Variants in CAVIN1 observed in about 807,000 individuals in gnomAD.
CAVIN1 encodes caveolae-associated protein 1.
Under a neutral mutation model 24.0 loss-of-function variants are expected in CAVIN1, and 16 were observed. The observed-to-expected ratio is 0.67, with a 90% CI of 0.45 to 1.01. CAVIN1 has a LOEUF of 1.01. CAVIN1 is among the 50% of genes least tolerant of loss of function. CAVIN1 has a pLI of 0.00. For missense variants in CAVIN1, 510 were observed against 551.7 expected (o/e 0.92, Z 0.76); for synonymous variants, 256 against 256.4 (o/e 1.00, Z 0.02).
rs1287360868 is a variant in CAVIN1, at chr17:42,423,117, G to C, written c.-20C>G. On this transcript the variant is annotated 5_prime_UTR_variant, in exon 1 of 2. Transcript: ENST00000357037. ...CTCCATGGCTACCCGGAGCCGTGCG[G>C]GACCGGCCGGGTGGGGCTGGAGCTG... 6.6e-7 allele frequency: 1 copy of C among 1,520,332 alleles called. No individual in the cohort carries two copies. The highest frequency in any genetic ancestry group is 2.1e-5 in the Admixed American group (1 of 48,186). The allele number at this position is 1,520,332 out of a possible 1,614,324, so 94.2% of individuals were successfully genotyped here.
intron 1 of CAVIN1, among the ~76,000 whole-genome samples, chr17:42,406,420 G>A (rs926076379): frequency 4.6e-4 from 70 of 150,740 alleles, no homozygotes; most frequent in Non-Finnish European, 1.0e-4. Context: ...TGTCGCCCAG[G>A]CTGCAGTGCA....
At position 42,406,377 on chromosome 17, in the gene CAVIN1, T is replaced by A. The variant is rs147703971; in HGVS notation, c.472-989A>T. On this transcript the variant is annotated intron_variant, in intron 1 of 1. Transcript: ENST00000357037. The stretch of plus-strand genomic sequence containing the variant: ...CATTTCCTAGACTCAAGCTATTTCT[T>A]TTTTTTTTTTTTTTTGAGATGGAGT... 2.5e-3 allele frequency among the ~76,000 whole-genome samples: 367 copies of A among 148,746 alleles called. 3 individuals are homozygous for A. The highest frequency in any genetic ancestry group is 3.5e-3 in the Middle Eastern group (1 of 284).
Position 42,422,751 on chromosome 17 carries a change from T to C in CAVIN1, c.347A>G (p.Lys116Arg). ...TVSKLLEKVR[K>R]VSVNVKTVRG... ...CACGGTCTTCACGTTGACGCTGACC[T>C]TGCGCACCTTCTCCAGCAGCTTGCT... is the stretch of plus-strand genomic sequence containing the variant. Residue 116 changes from lysine to arginine, a missense_variant, in exon 1 of 2, where the codon AAG (lysine) becomes AGG (arginine). Transcript: ENST00000357037. 6.2e-7 allele frequency: 1 copy of C among 1,612,520 alleles called. No homozygotes were observed. Among genetic ancestry groups the C allele is most frequent in the South Asian group, 1.1e-5 (1 of 90,762 alleles).
chr17:42,413,844 A>C (rs2085496233), intron 1 of CAVIN1, among the ~76,000 whole-genome samples: 1 of 152,058 alleles, frequency 6.6e-6, no homozygotes, highest in Non-Finnish European at 1.5e-5. Context: ...AGTAAATACA[A>C]AGGCACACAA....
rs1159031590 is a variant in CAVIN1 at position 42,404,361 on chromosome 17, C to T, written c.*326G>A. 1 of 227,082 alleles carries T rather than the reference C, an allele frequency of 4.4e-6. No homozygotes were observed. Among genetic ancestry groups the T allele is most frequent in the Non-Finnish European group, 8.5e-6 (1 of 117,098 alleles). 14.1% of individuals were successfully genotyped at this position (227,082 alleles called of 1,614,324 possible). On this transcript the variant is annotated 3_prime_UTR_variant, in exon 2 of 2. Coordinates refer to ENST00000357037, the MANE Select transcript of CAVIN1 (RefSeq NM_012232.6). ...GCTGGGTGGGTGGTGTGGGGAGAGG[C>T]TGAGGGGAAGGCAGCCCCCCCAGGG...
At chr17:42,412,136 G>A (rs1366256876) in intron 1 of CAVIN1, 2 of 985,246 alleles carry the variant, frequency 2.0e-6, no homozygotes, top group South Asian at 4.7e-5. Context: ...TGGTCAAAAG[G>A]TGGGAGCTCA....
chr17:42,406,932 G>A (rs1282022483), intron 1 of CAVIN1, among the ~76,000 whole-genome samples: 3 of 152,228 alleles, frequency 2.0e-5, no homozygotes, highest in Non-Finnish European at 4.4e-5. Flanking sequence ...TTCAATTCTT[G>A]CTTTCCCTAC....
intron 1 of CAVIN1, among the ~76,000 whole-genome samples, chr17:42,421,558 G>T (rs544667647): frequency 1.3e-4 from 20 of 152,150 alleles, no homozygotes; most frequent in Non-Finnish European, 2.4e-4. Flanking sequence ...AACACTTGCC[G>T]CCCAGCCCAA....
chr17:42,405,584 T>C (rs2085439545), intron 1 of CAVIN1, among the ~76,000 whole-genome samples, 196 bp from the exon 2 acceptor site: 1 of 151,612 alleles, frequency 6.6e-6, no homozygotes, highest in Non-Finnish European at 1.5e-5. Context: ...GGCAGGAGGA[T>C]GGCTTGAGTC....
intron 1 of CAVIN1, among the ~76,000 whole-genome samples, chr17:42,413,599 A>AAAAAAAAT (rs2085494598): frequency 7.4e-6 from 1 of 135,828 alleles, no homozygotes; most frequent in Non-Finnish European, 1.6e-5. Flanking sequence ...AAAAAAAAAA[A>AAAAAAAAT]GAGGTCCCTG....
chr17:42,405,497 G>C, intron 1 of CAVIN1, 109 bp from the exon 2 acceptor site: 2 of 1,174,098 alleles, frequency 1.7e-6, no homozygotes, highest in Non-Finnish European at 2.5e-6. Flanking sequence ...GGACGCTCGT[G>C]GTCCCCAGGA....
Position 42,423,147 on chromosome 17 carries a change from G to C in CAVIN1, c.-50C>G, listed in dbSNP as rs548579969. The C allele has an allele frequency of 1.4e-6, 2 of 1,394,552 alleles. No individual in the cohort carries two copies. Among genetic ancestry groups the C allele is most frequent in the Non-Finnish European group, 1.9e-6 (2 of 1,033,988 alleles). The allele number at this position is 1,394,552 out of a possible 1,614,324, so 86.4% of individuals were successfully genotyped here. A position where few individuals can be genotyped will look rare whatever the true frequency, so the allele number is the denominator to read the frequency against. On this transcript the variant is annotated 5_prime_UTR_variant, in exon 1 of 2. Transcript: ENST00000357037. ...GGCCGGGTGGGGCTGGAGCTGGAGC[G>C]GGAGACCCGGAGAGAAGCAGGAGCG...
chr17:42,402,478 G>C lies in CAVIN1; in HGVS notation c.*2209C>G, dbSNP rs1781209231. 1 of 151,964 alleles carries C rather than the reference G, an allele frequency of 6.6e-6. No homozygotes were observed. Among genetic ancestry groups the C allele is most frequent in the Non-Finnish European group, 1.5e-5 (1 of 68,058 alleles). The allele number at this position is 151,964 out of a possible 1,614,324, so 9.4% of individuals were successfully genotyped here. ...TTTAGAAAAGCAGGTTTATTGGTCG[G>C]GCTGCTCACCAGGACACAGCAACGT... On this transcript the variant is annotated 3_prime_UTR_variant, in exon 2 of 2. Coordinates refer to ENST00000357037, the MANE Select transcript of CAVIN1 (RefSeq NM_012232.6).
chr17:42,417,202 T>A (rs2085517217), intron 1 of CAVIN1, among the ~76,000 whole-genome samples: 1 of 152,090 alleles, frequency 6.6e-6, no homozygotes, highest in Non-Finnish European at 1.5e-5. Context: ...GCCTGTAATC[T>A]TAGCACTTTG....
At position 42,422,802 on chromosome 17, in the gene CAVIN1, G is replaced by C. The variant is rs1477911550; in HGVS notation, c.296C>G (p.Ala99Gly). 1 of 1,613,740 alleles carries C rather than the reference G, an allele frequency of 6.2e-7. No homozygotes were observed. Among genetic ancestry groups the C allele is most frequent in the Non-Finnish European group, 8.5e-7 (1 of 1,179,900 alleles). The change falls in exon 1 of 2, where the codon GCG becomes GGG. Residue 99 changes from alanine (A) to glycine (G), a missense_variant. Physicochemically the swap from Ala to Gly is moderately conservative, Grantham distance 60. Transcript: ENST00000357037. ...IQGELSKLGK[A>G]HATTSNTVSK... ...CACCGTATTGCTCGTGGTGGCGTGCGCCTTGCCCAGCTTGCTCAGCTCGCC... is the reference window on the plus strand; with the variant it reads ...CACCGTATTGCTCGTGGTGGCGTGCCCCTTGCCCAGCTTGCTCAGCTCGCC...
At chr17:42,413,901 T>G (rs969807401) in intron 1 of CAVIN1, among the ~76,000 whole-genome samples, 10 of 152,016 alleles carry the variant, frequency 6.6e-5, no homozygotes, top group African/African-American at 1.2e-4. Flanking sequence ...GTTTTGTGGT[T>G]GTTGTTTTTT....
intron 1 of CAVIN1, among the ~76,000 whole-genome samples, chr17:42,413,931 T>A (rs2085496826): frequency 1.3e-5 from 2 of 152,184 alleles, no homozygotes; most frequent in Non-Finnish European, 2.9e-5. Context: ...AGTCTTGCTC[T>A]GTCACCCAGG....
At chr17:42,406,264 A>G (rs1195952612) in intron 1 of CAVIN1, among the ~76,000 whole-genome samples, 1 of 152,154 alleles carries the variant, frequency 6.6e-6, no homozygotes, top group East Asian at 1.9e-4. Flanking sequence ...CCGAAAAGCA[A>G]GTGGTGGGAG....
Position 42,423,110 on chromosome 17 carries a change from C to T in CAVIN1, c.-13G>A, listed in dbSNP as rs779164537. 1.1e-5 allele frequency: 17 copies of T among 1,531,278 alleles called. No homozygotes were observed. In the Admixed American group the frequency reaches 2.0e-4, roughly 18 times the overall value. 94.9% of individuals were successfully genotyped at this position (1,531,278 alleles called of 1,614,324 possible). On this transcript the variant is annotated 5_prime_UTR_variant, in exon 1 of 2. Transcript: ENST00000357037. The stretch of plus-strand genomic sequence containing the variant: ...TGGGGTCCTCCATGGCTACCCGGAG[C>T]CGTGCGGGACCGGCCGGGTGGGGCT...
Sources: allele counts gnomAD v4.1 joint callset (sites outside exome capture counted in the v4.1 genomes callset), GRCh38; gene constraint gnomAD v4.1.1; transcripts MANE v1.5; gene names NCBI Gene and HGNC (gene_info 2026-07-23, HGNC 2026-07-21).